WIF1: variants seen among roughly 807,000 people sequenced by gnomAD.
The protein encoded by WIF1 is Wnt inhibitory factor 1.
A neutral mutation model predicts 53.5 loss-of-function variants in WIF1; 35 were observed. The observed-to-expected ratio is 0.65, with a 90% CI of 0.50 to 0.87. The LOEUF (loss-of-function observed/expected upper bound fraction) is 0.87. WIF1 is among the 40% of genes least tolerant of loss of function. WIF1 has a pLI of 0.00. For missense variants in WIF1, 467 were observed against 476.8 expected (o/e 0.98, Z 0.19); for synonymous variants, 171 against 170.4 (o/e 1.00, Z -0.03).
intron 7 of WIF1, among the ~76,000 whole-genome samples, chr12:65,056,745 G>A (rs1882535526): frequency 6.6e-6 from 1 of 151,986 alleles, no homozygotes; most frequent in African/African-American, 2.4e-5. Context: ...CGCCTCCCAG[G>A]TTCAAGTGAT....
intron 6 of WIF1, among the ~76,000 whole-genome samples, chr12:65,063,710 T>C (rs1312322394): frequency 6.6e-6 from 1 of 151,892 alleles, no homozygotes; most frequent in Non-Finnish European, 1.5e-5. Context: ...TTTTTTTTTT[T>C]TTTTTGGTTT....
At chr12:65,063,141 GGTGA>G (rs1882638908) in intron 6 of WIF1, among the ~76,000 whole-genome samples, 1 of 152,190 alleles carries the variant, frequency 6.6e-6, no homozygotes, top group African/African-American at 2.4e-5. Context: ...TGTGGGCCCA[GGTGA>G]GATCCCATAG....
intron 3 of WIF1, among the ~76,000 whole-genome samples, chr12:65,072,413 G>A (rs1882798198): frequency 6.6e-6 from 1 of 152,052 alleles, no homozygotes; most frequent in Non-Finnish European, 1.5e-5. Context: ...ATTTCATTGT[G>A]GTGTAGTGAT....
Position 65,121,124 on chromosome 12 carries a change from G to A in WIF1, c.68C>T (p.Ala23Val). The change falls in exon 1 of 10, where the codon GCA becomes GTA. Residue 23 changes from alanine (A) to valine (V), a missense_variant. Transcript: ENST00000286574. ...WLWSILLCLL[A>V]LRAEAGPPQE... ...CGGCGGCCCGGCCTCCGCCCGCAGT[G>A]CCAGCAGGCACAGGAGGATGCTCCA... is the stretch of plus-strand genomic sequence containing the variant. The A allele has an allele frequency of 6.5e-7, 1 of 1,548,806 alleles. No homozygotes were observed. The highest frequency in any genetic ancestry group is 8.7e-7 in the Non-Finnish European group (1 of 1,145,790).
intron 4 of WIF1, 46 bp from the exon 5 acceptor site, chr12:65,067,836 T>C: frequency 6.4e-7 from 1 of 1,559,396 alleles, no homozygotes; most frequent in Non-Finnish European, 8.8e-7. Context: ...CTTGAAATCA[T>C]GTTGGGTGAA....
intron 7 of WIF1, among the ~76,000 whole-genome samples, chr12:65,059,796 T>C (rs749282511): frequency 6.6e-6 from 1 of 151,900 alleles, no homozygotes; most frequent in African/African-American, 2.4e-5. Context: ...GGACTACAGG[T>C]GTCTGCCACC....
chr12:65,067,210 G>A (rs1328879299), intron 5 of WIF1, among the ~76,000 whole-genome samples: 1 of 151,994 alleles, frequency 6.6e-6, no homozygotes, highest in Non-Finnish European at 1.5e-5. Context: ...AGTCAGATAA[G>A]CTCTTAGTAT....
intron 7 of WIF1, among the ~76,000 whole-genome samples, chr12:65,058,359 T>C (rs1882560687): frequency 6.6e-6 from 1 of 152,192 alleles, no homozygotes; most frequent in East Asian, 1.9e-4. Flanking sequence ...CCGAATTTTC[T>C]CCTCCTCTAT....
At chr12:65,071,287 T>C (rs1167008346) in intron 3 of WIF1, among the ~76,000 whole-genome samples, 1 of 138,936 alleles carries the variant, frequency 7.2e-6, no homozygotes, top group Non-Finnish European at 1.6e-5. Context: ...TTTGCTAATA[T>C]AATCTTTAAG....
intron 3 of WIF1, among the ~76,000 whole-genome samples, chr12:65,069,854 G>A (rs1430655426): frequency 1.3e-5 from 2 of 152,096 alleles, no homozygotes; most frequent in Non-Finnish European, 2.9e-5. Context: ...AACACCCAAT[G>A]GGTTATTATA....
intron 2 of WIF1, among the ~76,000 whole-genome samples, chr12:65,104,796 G>A (rs1883330701): frequency 6.6e-6 from 1 of 152,134 alleles, no homozygotes; most frequent in Non-Finnish European, 1.5e-5. Context: ...CATTCTGTAA[G>A]TAAGTAAATT....
chr12:65,057,003 T>C (rs1280751361), intron 7 of WIF1, among the ~76,000 whole-genome samples: 1 of 152,162 alleles, frequency 6.6e-6, no homozygotes, highest in Non-Finnish European at 1.5e-5. Context: ...TACCTGTACC[T>C]GATGACAGTC....
At position 65,077,816 on chromosome 12, in the gene WIF1, C is replaced by T; in HGVS notation, c.327G>A (p.Leu109=). ...TTGGATCTGCCATGATGCCTTTATC[C>T]AGGGAGCGCAAGGACAGGAATTCAT... ...YFYEFLSLRS[L]DKGIMADPTV... Residue 109 remains leucine, a synonymous_variant, in exon 3 of 10, where the codon CTG becomes CTA. Transcript: ENST00000286574. 6.2e-7 allele frequency: 1 copy of T among 1,613,852 alleles called. No homozygotes were observed. The highest frequency in any genetic ancestry group is 2.2e-5 in the East Asian group (1 of 44,854).
intron 3 of WIF1, among the ~76,000 whole-genome samples, chr12:65,076,571 A>T (rs1882864162): frequency 2.0e-5 from 3 of 152,214 alleles, no homozygotes; most frequent in Non-Finnish European, 4.4e-5. Flanking sequence ...TTTTAACAAA[A>T]TAATGAGATA....
rs1218145678 is a variant in WIF1, at chr12:65,067,780, T to A, written c.549A>T (p.Pro183=). 6.2e-7 allele frequency: 1 copy of A among 1,613,052 alleles called. No individual in the cohort carries two copies. Among genetic ancestry groups the A allele is most frequent in the Non-Finnish European group, 8.5e-7 (1 of 1,179,374 alleles). ...FFKTCQQAEC[P]GGCRNGGFCN... ...AAAAGCCTCCATTTCGGCACCCGCCTGGGCACTCAGCTTCAGCAGAGAGAA... is the reference window on the plus strand; with the variant it reads ...AAAAGCCTCCATTTCGGCACCCGCCAGGGCACTCAGCTTCAGCAGAGAGAA... Residue 183 remains proline (P), a synonymous_variant, in exon 5 of 10, where the codon CCA becomes CCT. Coordinates refer to ENST00000286574, the MANE Select transcript of WIF1 (RefSeq NM_007191.5).
intron 2 of WIF1, 95 bp from the exon 3 acceptor site, chr12:65,077,949 T>C: frequency 3.2e-6 from 3 of 931,498 alleles, no homozygotes; most frequent in Non-Finnish European, 5.0e-6. Context: ...CAGAGATAAT[T>C]TTCATTACAG....
At chr12:65,089,340 G>A (rs189149507) in intron 2 of WIF1, among the ~76,000 whole-genome samples, 2 of 152,118 alleles carry the variant, frequency 1.3e-5, no homozygotes, top group Admixed American at 1.3e-4. Flanking sequence ...CTTTATTCCT[G>A]TCTTTTCCTT....
chr12:65,058,365 T>A (rs1882560830), intron 7 of WIF1, among the ~76,000 whole-genome samples: 1 of 152,208 alleles, frequency 6.6e-6, no homozygotes, highest in Non-Finnish European at 1.5e-5. Context: ...TTTCTCCTCC[T>A]CTATGAGGGG....
Position 65,120,420 on chromosome 12 carries a change from C to T in WIF1, c.285G>A (p.Gly95=), listed in dbSNP as rs772657346. The change falls in exon 2 of 10, where the codon GGG becomes GGA. Residue 95 remains glycine (G), a synonymous_variant. Transcript: ENST00000286574. ...GGGTAATTTTCTCAGAACTTACCTG[C>T]CCTGCAGCTTGCCAGGTAAAATTCA... The part of the protein sequence containing the change: ...HSMNFTWQAA[G]QAEYFYEFLS... 3 of 1,613,310 alleles carry T rather than the reference C, an allele frequency of 1.9e-6. No individual in the cohort carries two copies. The highest frequency in any genetic ancestry group is 1.1e-5 in the South Asian group (1 of 90,800).
Sources: allele counts gnomAD v4.1 joint callset (sites outside exome capture counted in the v4.1 genomes callset), GRCh38; gene constraint gnomAD v4.1.1; transcripts MANE v1.5; gene names NCBI Gene and HGNC (gene_info 2026-07-23, HGNC 2026-07-21).